Variants in SLX4IP observed in about 807,000 individuals in gnomAD.
SLX4IP encodes protein SLX4IP.
In SLX4IP, 34 loss-of-function variants were observed where a neutral mutation model predicts 32.9. The ratio of observed to expected loss-of-function variants is 1.03; its 90% CI spans 0.79 to 1.38. The LOEUF (loss-of-function observed/expected upper bound fraction) is 1.38. Ranked by LOEUF, SLX4IP falls within the 40% of genes most tolerant of loss-of-function variation. The probability of loss-of-function intolerance (pLI) is 0.00; values close to 1 mark genes in which losing one functional copy is unlikely to be tolerated. For missense variants in SLX4IP, 444 were observed against 479.0 expected (o/e 0.93, Z 0.68); for synonymous variants, 172 against 171.7 (o/e 1.00, Z -0.01).
chr20:10,466,632 G>A (rs187658645), intron 2 of SLX4IP, among the ~76,000 whole-genome samples: 1 of 152,190 alleles, frequency 6.6e-6, no homozygotes, highest in East Asian at 1.9e-4. Context: ...ATGTGCATCT[G>A]GCTTTGTCTT....
chr20:10,455,971 G>A (rs1189023279), intron 1 of SLX4IP, among the ~76,000 whole-genome samples: 1 of 152,046 alleles, frequency 6.6e-6, no homozygotes, highest in Non-Finnish European at 1.5e-5. Flanking sequence ...TCCAAAATAC[G>A]AAATCCTCCA....
At chr20:10,569,197 T>TA (rs59959029) in intron 4 of SLX4IP, among the ~76,000 whole-genome samples, 31 of 149,662 alleles carry the variant, frequency 2.1e-4, no homozygotes, top group African/African-American at 7.1e-4. Flanking sequence ...TTTTTTTTTT[T>TA]AATTTGAGAC....
chr20:10,518,605 T>C (rs1055293295), intron 2 of SLX4IP, among the ~76,000 whole-genome samples: 6 of 151,362 alleles, frequency 4.0e-5, no homozygotes, highest in Non-Finnish European at 5.9e-5. Flanking sequence ...AGACAGGGTC[T>C]CACTCTATCA....
chr20:10,582,077 C>T (rs1267058249), intron 4 of SLX4IP, among the ~76,000 whole-genome samples: 1 of 152,018 alleles, frequency 6.6e-6, no homozygotes, highest in Non-Finnish European at 1.5e-5. Flanking sequence ...TTGTGAGGCC[C>T]CAGGGAATGG....
At chr20:10,542,139 C>T (rs750730216) in intron 2 of SLX4IP, among the ~76,000 whole-genome samples, 3 of 152,194 alleles carry the variant, frequency 2.0e-5, no homozygotes, top group African/African-American at 4.8e-5. Context: ...TTCATCACTC[C>T]TCACAGGGAG....
intron 2 of SLX4IP, among the ~76,000 whole-genome samples, chr20:10,466,645 A>T (rs6039958): frequency 0.49 from 74,832 of 151,876 alleles, 19,913 homozygotes; most frequent in Non-Finnish European, 0.6. Context: ...TTTGTCTTCT[A>T]CAGGGAATGT....
intron 4 of SLX4IP, among the ~76,000 whole-genome samples, chr20:10,574,256 C>T (rs2066498160): frequency 6.6e-6 from 1 of 152,136 alleles, no homozygotes; most frequent in South Asian, 2.1e-4. Flanking sequence ...ATGTACAAAT[C>T]TTCCAGAAAG....
chr20:10,447,280 C>T (rs1254579729), intron 1 of SLX4IP, among the ~76,000 whole-genome samples: 1 of 133,580 alleles, frequency 7.5e-6, no homozygotes, highest in East Asian at 1.9e-4. Flanking sequence ...GCCCGTTTGC[C>T]AGTACGTTAG....
chr20:10,512,818 A>ATATATT (rs1364284189), intron 2 of SLX4IP, among the ~76,000 whole-genome samples: 8 of 95,752 alleles, frequency 8.4e-5, no homozygotes, highest in Non-Finnish European at 1.5e-4. Flanking sequence ...ATATATATAT[A>ATATATT]TATAGTTGTT....
At chr20:10,587,282 A>G (rs1157842776) in intron 4 of SLX4IP, among the ~76,000 whole-genome samples, 2 of 152,176 alleles carry the variant, frequency 1.3e-5, no homozygotes, top group Non-Finnish European at 2.9e-5. Flanking sequence ...CAATTATACA[A>G]GGTACAGGAA....
chr20:10,513,718 G>A (rs1343490228), intron 2 of SLX4IP, among the ~76,000 whole-genome samples: 1 of 152,188 alleles, frequency 6.6e-6, no homozygotes. Context: ...TAGAAGGACT[G>A]GAGGAGTCCT....
At chr20:10,463,739 G>T (rs899652703) in intron 2 of SLX4IP, among the ~76,000 whole-genome samples, 1 of 152,146 alleles carries the variant, frequency 6.6e-6, no homozygotes, top group African/African-American at 2.4e-5. Context: ...AAAAGATTGT[G>T]CAAGATAGGA....
intron 2 of SLX4IP, among the ~76,000 whole-genome samples, chr20:10,501,910 T>C (rs919779948): frequency 5.9e-5 from 9 of 152,256 alleles, no homozygotes; most frequent in African/African-American, 1.7e-4. Flanking sequence ...TGAATGCCTA[T>C]GTAAAAATGT....
At chr20:10,618,809 G>A (rs897126680) in intron 6 of SLX4IP, among the ~76,000 whole-genome samples, 7 of 152,134 alleles carry the variant, frequency 4.6e-5, no homozygotes, top group African/African-American at 1.4e-4. Flanking sequence ...TTGTGCCTCC[G>A]GATAAGCCTC....
intron 2 of SLX4IP, among the ~76,000 whole-genome samples, chr20:10,497,556 C>T (rs2065679179): frequency 6.6e-6 from 1 of 151,984 alleles, no homozygotes; most frequent in African/African-American, 2.4e-5. Context: ...AACTTTATTT[C>T]TGCCCTATTA....
chr20:10,621,451 T>C, intron 7 of SLX4IP, 37 bp downstream of exon 7: 1 of 1,576,514 alleles, frequency 6.3e-7, no homozygotes, highest in Non-Finnish European at 8.7e-7. Flanking sequence ...CATTTTTGCC[T>C]GTCTCTATGT....
chr20:10,493,242 GGA>G (rs2065640450), intron 2 of SLX4IP, among the ~76,000 whole-genome samples: 1 of 152,086 alleles, frequency 6.6e-6, no homozygotes, highest in Non-Finnish European at 1.5e-5. Context: ...GATTAATTGG[GGA>G]GCATTGCAGT....
intron 2 of SLX4IP, among the ~76,000 whole-genome samples, chr20:10,523,870 G>A (rs1476882392): frequency 6.6e-6 from 1 of 152,354 alleles, no homozygotes; most frequent in East Asian, 1.9e-4. Context: ...TCTTATTTGA[G>A]TCTATTAAAT....
chr20:10,464,264 C>T (rs1032035354), intron 2 of SLX4IP, among the ~76,000 whole-genome samples: 1 of 152,110 alleles, frequency 6.6e-6, no homozygotes, highest in Admixed American at 6.6e-5. Flanking sequence ...TCAAACAATC[C>T]TCCTGCCTCA....
Sources: allele counts gnomAD v4.1 joint callset (sites outside exome capture counted in the v4.1 genomes callset), GRCh38; gene constraint gnomAD v4.1.1; transcripts MANE v1.5; gene names NCBI Gene and HGNC (gene_info 2026-07-23, HGNC 2026-07-21).